Variants in PSMG2 observed in about 807,000 individuals in gnomAD.
PSMG2 encodes the protein CD40 ligand-activated specific transcript 3.
A neutral mutation model predicts 31.5 loss-of-function variants in PSMG2; 21 were observed. The ratio of observed to expected loss-of-function variants is 0.67; its 90% CI spans 0.47 to 0.96. The LOEUF (loss-of-function observed/expected upper bound fraction) is 0.96. Among genes scored for constraint, PSMG2 ranks in the 40% least tolerant of loss-of-function variants. The pLI is 0.00. For missense variants in PSMG2, 318 were observed against 321.2 expected (o/e 0.99, Z 0.08); for synonymous variants, 120 against 110.4 (o/e 1.09, Z -0.54).
rs950677824 is a variant in PSMG2 at position 12,725,458 on chromosome 18, C to G, written c.722C>G (p.Ser241Cys). ...TTACAGAGCGATGACCCCACAGTAT[C>G]TGCCTCACGGTGGAAAATACCAAGT... ...LKPLSDDPTV[S>C]ASRWKIPSSW... The change falls in exon 7 of 7, where the codon TCT becomes TGT. Residue 241 changes from serine to cysteine, a missense_variant. By Grantham distance (112) the Ser-to-Cys change is moderately radical. Transcript: ENST00000317615. 1 of 1,599,948 alleles carries G rather than the reference C, an allele frequency of 6.3e-7. No homozygotes were observed. The highest frequency in any genetic ancestry group is 1.1e-5 in the South Asian group (1 of 90,688).
chr18:12,697,247 G>A, intron 1 of PSMG2: 2 of 1,613,352 alleles, frequency 1.2e-6, no homozygotes, highest in Non-Finnish European at 1.7e-6. Flanking sequence ...TCCACAGTCA[G>A]ACTGGTCACT....
intron 1 of PSMG2, chr18:12,686,694 C>A: frequency 3.0e-6 from 1 of 334,562 alleles, no homozygotes; most frequent in Non-Finnish European, 5.6e-6. Flanking sequence ...CAGGTTCAAG[C>A]TCTGAGCTGT....
intron 2 of PSMG2, among the ~76,000 whole-genome samples, chr18:12,711,750 C>CTTTTTTTTTTT: frequency 1.0e-5 from 1 of 97,572 alleles, no homozygotes; most frequent in Non-Finnish European, 1.9e-5. Context: ...GCTTCTCATT[C>CTTTTTTTTTTT]TTTTTTTTTT....
intron 1 of PSMG2, chr18:12,695,460 G>T: frequency 2.1e-6 from 1 of 473,220 alleles, no homozygotes. Context: ...TCACTTACAT[G>T]GAATAAAGAT....
At chr18:12,702,737 C>G, upstream of PSMG2, 1 of 625,160 alleles carries the variant, frequency 1.6e-6, no homozygotes, top group South Asian at 2.1e-5. Context: ...GCCCCGGCGG[C>G]GGCGGCGCCA....
At chr18:12,701,845 T>TCGTG (rs1555648402), upstream of PSMG2, among the ~76,000 whole-genome samples, 1 of 152,214 alleles carries the variant, frequency 6.6e-6, no homozygotes, top group Non-Finnish European at 1.5e-5. Flanking sequence ...GAAACCCTGA[T>TCGTG]ATCTGCCGGG....
At chr18:12,709,181 G>A (rs1400237478) in intron 2 of PSMG2, among the ~76,000 whole-genome samples, 3 of 151,758 alleles carry the variant, frequency 2.0e-5, no homozygotes, top group African/African-American at 4.8e-5. Context: ...GAGTAGCTAG[G>A]ATTACAGGCA....
upstream of PSMG2, among the ~76,000 whole-genome samples, chr18:12,701,340 C>A (rs577726210): frequency 1.3e-5 from 2 of 152,104 alleles, no homozygotes; most frequent in Non-Finnish European, 2.9e-5. Context: ...CAACACTCAA[C>A]CAAAAGGAAT....
upstream of PSMG2, chr18:12,702,551 T>G (rs1168922327): frequency 6.3e-7 from 1 of 1,589,532 alleles, no homozygotes; most frequent in Non-Finnish European, 8.5e-7. Flanking sequence ...AGCGACATGC[T>G]GGCAGCCGGC....
intron 2 of PSMG2, among the ~76,000 whole-genome samples, chr18:12,711,461 T>C (rs369019164): frequency 2.0e-4 from 30 of 152,274 alleles, no homozygotes; most frequent in East Asian, 1.5e-3. Context: ...TTTGCCTTAG[T>C]CTCTTTTCCC....
At chr18:12,672,347 C>T (rs1044121886) in intron 1 of PSMG2, among the ~76,000 whole-genome samples, 1 of 152,016 alleles carries the variant, frequency 6.6e-6, no homozygotes, top group East Asian at 1.9e-4. Context: ...AACTCCTGAC[C>T]TCAAGTGATC....
At chr18:12,672,935 GT>G (rs1418307774) in intron 1 of PSMG2, 20 of 982,396 alleles carry the variant, frequency 2.0e-5, no homozygotes, top group Non-Finnish European at 2.3e-5. Flanking sequence ...CTGTCATGAG[GT>G]TAATTTCTCC....
At chr18:12,703,847 G>A (rs1598676466) in intron 1 of PSMG2, among the ~76,000 whole-genome samples, 1 of 152,220 alleles carries the variant, frequency 6.6e-6, no homozygotes, top group African/African-American at 2.4e-5. Context: ...TGGGCTGGGA[G>A]TAGGGGAAAG....
upstream of PSMG2, chr18:12,701,258 A>G: frequency 1.6e-6 from 1 of 612,826 alleles, no homozygotes; most frequent in East Asian, 2.7e-5. Flanking sequence ...TAAAGAATGA[A>G]TCTTTTGAGT....
At chr18:12,722,941 G>A (rs1458574528) in intron 5 of PSMG2, among the ~76,000 whole-genome samples, 1 of 152,302 alleles carries the variant, frequency 6.6e-6, no homozygotes, top group East Asian at 1.9e-4. Flanking sequence ...CACAGCAGAC[G>A]CATTTAGGAA....
At position 12,703,660 on chromosome 18, in the gene PSMG2, G is replaced by T. The variant is rs979500939; in HGVS notation, c.57+496G>T. Among the ~76,000 whole-genome samples, 3 of 152,158 alleles carry T rather than the reference G, an allele frequency of 2.0e-5. No individual in the cohort carries two copies. The East Asian group carries it at 5.8e-4, about 29-fold the overall frequency. ...TGCGAGTATTAGAATAAGACTAGGT[G>T]CGTGCCCTCAAAGAATTTACACTGT... On this transcript the variant is annotated intron_variant, in intron 1 of 6. Coordinates refer to ENST00000317615, the MANE Select transcript of PSMG2 (RefSeq NM_020232.5).
chr18:12,677,931 T>C (rs969460317), intron 1 of PSMG2, among the ~76,000 whole-genome samples: 11 of 152,212 alleles, frequency 7.2e-5, no homozygotes, highest in African/African-American at 2.4e-4. Flanking sequence ...TTGAAGATTT[T>C]TGAGTCTCAG....
At chr18:12,714,475 A>G (rs1598683814) in intron 3 of PSMG2, among the ~76,000 whole-genome samples, 1 of 148,392 alleles carries the variant, frequency 6.7e-6, no homozygotes, top group Non-Finnish European at 1.5e-5. Context: ...CCTCCTAAAC[A>G]ATCCTTTCTT....
At chr18:12,679,391 G>A (rs1212722739) in intron 1 of PSMG2, 1 of 152,180 alleles carries the variant, frequency 6.6e-6, no homozygotes, top group Non-Finnish European at 1.5e-5. Context: ...AATCTGCGAG[G>A]CAGGAAGCAC....
Sources: gnomAD v4.1 joint callset for allele counts (sites outside exome capture counted in the v4.1 genomes callset) on GRCh38, gnomAD v4.1.1 for gene constraint, MANE v1.5 for transcripts, NCBI Gene and HGNC (gene_info 2026-07-23, HGNC 2026-07-21) for gene names.